Variants in PID1 observed in about 807,000 individuals in gnomAD.
PID1 encodes the protein phosphotyrosine interaction domain containing 1, also known as PTB-containing, cubilin and LRP1-interacting protein.
In PID1, 10 loss-of-function variants were observed where a neutral mutation model predicts 19.1. That is an observed-to-expected ratio of 0.52 (90% CI 0.32 to 0.89). The LOEUF is 0.89. Ranked by LOEUF, PID1 falls within the 40% of genes least tolerant of loss-of-function variation. The pLI, the probability that PID1 is intolerant of heterozygous loss-of-function variation, is 0.03. For missense variants in PID1, 248 were observed against 285.3 expected, an observed-to-expected ratio of 0.87 and a Z score of 0.94; for synonymous variants, 130 against 116.0, an observed-to-expected ratio of 1.12 and a Z score of -0.78.
chr2:229,036,717 C>T (rs1008779986), intron 2 of PID1, among the ~76,000 whole-genome samples: 16 of 152,226 alleles, frequency 1.1e-4, no homozygotes, highest in African/African-American at 3.1e-4. Flanking sequence ...CACTGCACTC[C>T]GGTCTGGGCA....
chr2:229,210,542 A>C (rs1342434372), intron 1 of PID1, among the ~76,000 whole-genome samples: 37 of 148,010 alleles, frequency 2.5e-4, no homozygotes, highest in African/African-American at 8.9e-4. Context: ...AAAAAAAAAA[A>C]AAAAAAAAAA....
At chr2:229,116,694 C>T (rs1402633810) in intron 2 of PID1, among the ~76,000 whole-genome samples, 1 of 152,140 alleles carries the variant, frequency 6.6e-6, no homozygotes, top group Non-Finnish European at 1.5e-5. Flanking sequence ...TGAGGCCTCC[C>T]CAACCATGCA....
intron 1 of PID1, among the ~76,000 whole-genome samples, chr2:229,268,609 A>G (rs1242571747): frequency 6.6e-6 from 1 of 152,200 alleles, no homozygotes; most frequent in Middle Eastern, 3.2e-3. Flanking sequence ...TTAAAGATAA[A>G]TGAGAAAAAA....
intron 1 of PID1, among the ~76,000 whole-genome samples, chr2:229,235,023 C>T (rs1692293799): frequency 6.6e-6 from 1 of 152,142 alleles, no homozygotes; most frequent in South Asian, 2.1e-4. Context: ...ATACTATTAT[C>T]TCAGCCTCTG....
intron 2 of PID1, among the ~76,000 whole-genome samples, chr2:229,097,118 A>G (rs1038779550): frequency 2.6e-5 from 4 of 152,208 alleles, no homozygotes; most frequent in Non-Finnish European, 4.4e-5. Flanking sequence ...ACAGAAATAC[A>G]TGACATGATT....
chr2:229,129,179 C>A (rs1689660828), intron 2 of PID1, among the ~76,000 whole-genome samples: 1 of 152,166 alleles, frequency 6.6e-6, no homozygotes, highest in African/African-American at 2.4e-5. Flanking sequence ...CCAAAGCCTA[C>A]CACACTTGTG....
chr2:229,063,470 A>C (rs1233916133), intron 2 of PID1, among the ~76,000 whole-genome samples: 1 of 152,098 alleles, frequency 6.6e-6, no homozygotes, highest in Non-Finnish European at 1.5e-5. Context: ...GTTTCATTCC[A>C]TTATGGTCAG....
chr2:229,178,870 G>A (rs886813638), intron 1 of PID1, among the ~76,000 whole-genome samples: 1 of 151,988 alleles, frequency 6.6e-6, no homozygotes, highest in African/African-American at 2.4e-5. Context: ...TATGCACCGG[G>A]CACAAGTCAA....
chr2:229,199,843 A>T (rs1691458887), intron 1 of PID1, among the ~76,000 whole-genome samples: 1 of 151,582 alleles, frequency 6.6e-6, no homozygotes, highest in Non-Finnish European at 1.5e-5. Flanking sequence ...GAATTCTGCA[A>T]GTCAGAGCTT....
chr2:229,196,472 A>G (rs1452359229), intron 1 of PID1, among the ~76,000 whole-genome samples: 1 of 152,146 alleles, frequency 6.6e-6, no homozygotes, highest in African/African-American at 2.4e-5. Context: ...AATTAAAAAC[A>G]ATTCATTAAA....
In PID1 at chr2:229,119,501, A is replaced by T. The variant is rs145750087; in HGVS notation, c.177+36317T>A. On this transcript the variant is annotated intron_variant, in intron 2 of 2. Transcript: ENST00000392055. ...CTCATGTCATCTGTTCTTTATTTAA[A>T]GCCATCAGTAATGGAAGACACTCTT... is the stretch of plus-strand genomic sequence containing the variant. Among the ~76,000 whole-genome samples, 583 of 152,310 alleles carry T rather than the reference A, an allele frequency of 3.8e-3. 7 individuals carry two copies. Among genetic ancestry groups the T allele is most frequent in the African/African-American group, 0.014 (564 of 41,570 alleles).
intron 2 of PID1, among the ~76,000 whole-genome samples, chr2:229,051,539 T>A (rs1158647801): frequency 1.3e-5 from 2 of 152,128 alleles, no homozygotes; most frequent in African/African-American, 4.8e-5. Context: ...GGTTTCACCA[T>A]GTTGCCCAGG....
chr2:229,154,580 G>C (rs1209755149), intron 2 of PID1, among the ~76,000 whole-genome samples: 1 of 152,188 alleles, frequency 6.6e-6, no homozygotes, highest in African/African-American at 2.4e-5. Flanking sequence ...TGGAATGAAT[G>C]AATGTGGATG....
At chr2:229,221,155 GTCT>G (rs1691962005) in intron 1 of PID1, among the ~76,000 whole-genome samples, 7 of 152,126 alleles carry the variant, frequency 4.6e-5, no homozygotes, top group African/African-American at 1.4e-4. Flanking sequence ...TGGCCAACTT[GTCT>G]TGGTATGCCC....
At chr2:229,045,521 T>C (rs1693857881) in intron 2 of PID1, among the ~76,000 whole-genome samples, 1 of 152,206 alleles carries the variant, frequency 6.6e-6, no homozygotes, top group Non-Finnish European at 1.5e-5. Context: ...TGTTCCTTTG[T>C]TCAAGGTTTC....
intron 1 of PID1, among the ~76,000 whole-genome samples, chr2:229,178,030 G>C (rs1262322427): frequency 6.6e-6 from 1 of 152,036 alleles, no homozygotes; most frequent in Non-Finnish European, 1.5e-5. Context: ...AGCCCCAGCA[G>C]CAGCTTACAG....
At chr2:229,041,766 C>T (rs947127162) in intron 2 of PID1, among the ~76,000 whole-genome samples, 1 of 151,936 alleles carries the variant, frequency 6.6e-6, no homozygotes, top group East Asian at 1.9e-4. Context: ...TCCATTACCC[C>T]CCTGCCAACC....
intron 1 of PID1, among the ~76,000 whole-genome samples, chr2:229,210,440 C>T (rs1412769396): frequency 2.3e-5 from 3 of 133,188 alleles, no homozygotes; most frequent in Admixed American, 8.5e-5. Context: ...TGGCCTGAAC[C>T]GGGGAGGCGG....
chr2:229,199,745 T>TATATATATATATATATATAC (rs1491155550), intron 1 of PID1, among the ~76,000 whole-genome samples: 65 of 122,500 alleles, frequency 5.3e-4, no homozygotes, highest in Non-Finnish European at 1.0e-3. Flanking sequence ...TATATATATA[T>TATATATATATATATATATAC]ACACATACAC....
Sources: allele counts gnomAD v4.1 joint callset (sites outside exome capture counted in the v4.1 genomes callset), GRCh38; gene constraint gnomAD v4.1.1; transcripts MANE v1.5; gene names NCBI Gene and HGNC (gene_info 2026-07-23, HGNC 2026-07-21).